CFAP47: variants seen among roughly 807,000 people sequenced by gnomAD.
The protein encoded by CFAP47 is cilia- and flagella-associated protein 47.
Under a neutral mutation model 148.1 loss-of-function variants are expected in CFAP47, and 29 were observed. The ratio of observed to expected loss-of-function variants is 0.20; its 90% CI spans 0.15 to 0.27. The LOEUF (loss-of-function observed/expected upper bound fraction) is 0.27. Among genes scored for constraint, CFAP47 ranks in the 10% least tolerant of loss-of-function variants. CFAP47 has a pLI of 1.00. For missense variants in CFAP47, 1,872 were observed against 1,697.5 expected, an observed-to-expected ratio of 1.10 and a Z score of -1.81; for synonymous variants, 664 against 577.3, an observed-to-expected ratio of 1.15 and a Z score of -2.15.
At chrX:36,123,831 C>A (rs993453122) in intron 33 of CFAP47, among the ~76,000 whole-genome samples, 1 of 111,470 alleles carries the variant, frequency 9.0e-6, no homozygotes, top group Admixed American at 9.5e-5. Flanking sequence ...TTTACTGTTT[C>A]CTCTGCTTTT....
At chrX:36,057,285 AATAAGCT>A (rs1937562342) in intron 26 of CFAP47, among the ~76,000 whole-genome samples, 1 of 112,019 alleles carries the variant, frequency 8.9e-6, no homozygotes, top group Admixed American at 9.5e-5. Context: ...GAGACCAATG[AATAAGCT>A]ATTCCAGGTT....
At chrX:36,378,834 C>A (rs1942049134) in intron 62 of CFAP47, among the ~76,000 whole-genome samples, 1 of 109,334 alleles carries the variant, frequency 9.1e-6, no homozygotes, top group East Asian at 2.9e-4. Flanking sequence ...AGCCACTGCG[C>A]TGTGTCTTAC....
At chrX:35,955,201 C>G (rs1936226151) in intron 7 of CFAP47, among the ~76,000 whole-genome samples, 1 of 111,881 alleles carries the variant, frequency 8.9e-6, no homozygotes, top group African/African-American at 3.2e-5. Flanking sequence ...ATGTCCCAAA[C>G]AGAACTCCTG....
chrX:35,924,132 T>C (rs755354510), intron 1 of CFAP47, among the ~76,000 whole-genome samples: 10 of 100,144 alleles, frequency 1.0e-4, no homozygotes, highest in Admixed American at 2.2e-4. Flanking sequence ...TACATATATG[T>C]ATATGTGTAC....
chrX:36,230,411 T>C (rs1350231633), intron 46 of CFAP47, among the ~76,000 whole-genome samples: 2 of 109,560 alleles, frequency 1.8e-5, no homozygotes, highest in Non-Finnish European at 3.8e-5. Context: ...ATGTCTTCTT[T>C]TGAGAAGTGT....
intron 42 of CFAP47, among the ~76,000 whole-genome samples, chrX:36,191,100 GA>G (rs1264091514): frequency 2.9e-4 from 32 of 111,124 alleles, no homozygotes; most frequent in African/African-American, 1.0e-3. Flanking sequence ...CACTTAGAAG[GA>G]AAAAAATGCC....
At chrX:35,999,722 G>C (rs1265431082) in intron 19 of CFAP47, among the ~76,000 whole-genome samples, 1 of 111,865 alleles carries the variant, frequency 8.9e-6, no homozygotes, top group Non-Finnish European at 1.9e-5. Context: ...GGCACCAAAA[G>C]GGTGAAGACA....
intron 3 of CFAP47, among the ~76,000 whole-genome samples, chrX:35,947,329 G>A (rs1049016728): frequency 1.8e-5 from 2 of 109,115 alleles, no homozygotes; most frequent in Admixed American, 9.8e-5. Context: ...GGCCTGTTCT[G>A]TTTCTCACTG....
At chrX:36,027,816 A>T (rs1937237610) in intron 22 of CFAP47, among the ~76,000 whole-genome samples, 1 of 111,622 alleles carries the variant, frequency 9.0e-6, no homozygotes, top group South Asian at 3.7e-4. Context: ...CCTCACTAAC[A>T]TCTGTTGTTT....
chrX:35,923,526 A>G (rs751523279), intron 1 of CFAP47, among the ~76,000 whole-genome samples: 1 of 111,465 alleles, frequency 9.0e-6, no homozygotes, highest in South Asian at 3.8e-4. Context: ...AGCATATAAA[A>G]TATACATATG....
rs986509603 is a variant in CFAP47, at chrX:35,948,967, G to A, written c.656+515G>A. ...AGAATTAAAAAGATGGAGGTGGGGAGTGACAGGAGACAAGACCAGAAAAAC... is the reference window on the plus strand; with the variant it reads ...AGAATTAAAAAGATGGAGGTGGGGAATGACAGGAGACAAGACCAGAAAAAC... On this transcript the variant is annotated intron_variant, in intron 4 of 63. Transcript: ENST00000378653. 4.6e-4 allele frequency among the ~76,000 whole-genome samples: 51 copies of A among 111,048 alleles called. 1 individual carries two copies. The highest frequency in any genetic ancestry group is 1.9e-4 in the Admixed American group (2 of 10,351).
At chrX:36,106,411 A>G (rs1256249938) in intron 33 of CFAP47, among the ~76,000 whole-genome samples, 1 of 111,953 alleles carries the variant, frequency 8.9e-6, no homozygotes, top group African/African-American at 3.2e-5. Flanking sequence ...ACAGAATACC[A>G]TAGACTGGGT....
chrX:36,266,710 C>T (rs1384562804), intron 49 of CFAP47, among the ~76,000 whole-genome samples: 6 of 110,723 alleles, frequency 5.4e-5, no homozygotes, highest in African/African-American at 2.0e-4. Flanking sequence ...AGGCATGGCC[C>T]GGCAGGAACT....
intron 51 of CFAP47, among the ~76,000 whole-genome samples, chrX:36,292,272 G>T (rs1941200729): frequency 9.0e-6 from 1 of 111,223 alleles, no homozygotes; most frequent in Non-Finnish European, 1.9e-5. Flanking sequence ...GAATGACGAT[G>T]GTGTTTCTAA....
Position 36,002,249 on chromosome X carries a change from T to G in CFAP47, c.3417+542T>G, listed in dbSNP as rs1435565007. On this transcript the variant is annotated intron_variant, in intron 21 of 63. Transcript: ENST00000378653. ...TTTCAGGAGCCAACTCTAGCAGGCTTTTGCTTCACAGATTCTCTAACAGAA... is the reference window on the plus strand; with the variant it reads ...TTTCAGGAGCCAACTCTAGCAGGCTGTTGCTTCACAGATTCTCTAACAGAA... Among the ~76,000 whole-genome samples the G allele has an allele frequency of 2.7e-5, 3 of 111,084 alleles. No homozygotes were observed. In the East Asian group the frequency reaches 8.5e-4, roughly 31 times the overall value.
At chrX:36,061,392 T>C (rs1291453224) in intron 26 of CFAP47, among the ~76,000 whole-genome samples, 1 of 112,130 alleles carries the variant, frequency 8.9e-6, no homozygotes. Flanking sequence ...ACATGACATA[T>C]GATGTCCTCA....
Position 36,353,675 on chromosome X carries a change from C to T in CFAP47, c.8845C>T (p.Pro2949Ser), listed in dbSNP as rs1436427218. ...AAATTCACATAATTTTTGTGAGGATCCCAATGGTAAGAGAACTACGGTTAT... is the reference window on the plus strand; with the variant it reads ...AAATTCACATAATTTTTGTGAGGATTCCAATGGTAAGAGAACTACGGTTAT... ...KRNSHNFCED[P>S]NEIPKIHEFE... is the part of the protein sequence containing the mutation. The change falls in exon 60 of 64, where the codon CCC becomes TCC. Residue 2949 changes from proline (P) to serine (S), a missense_variant. Coordinates refer to ENST00000378653, the MANE Select transcript of CFAP47 (RefSeq NM_001304548.2). The T allele has an allele frequency of 2.6e-6, 3 of 1,147,392 alleles. No homozygotes were observed. Among genetic ancestry groups the T allele is most frequent in the South Asian group, 2.0e-5 (1 of 50,864 alleles). The allele number at this position is 1,147,392 out of a possible 1,213,427, so 94.6% of individuals were successfully genotyped here.
chrX:36,308,178 G>A (rs1447722192), intron 55 of CFAP47, among the ~76,000 whole-genome samples: 1 of 111,342 alleles, frequency 9.0e-6, no homozygotes, highest in Non-Finnish European at 1.9e-5. Flanking sequence ...CCTAGAAGTT[G>A]AATGTTAAAT....
intron 48 of CFAP47, among the ~76,000 whole-genome samples, chrX:36,237,867 C>T (rs1438950901): frequency 6.3e-5 from 7 of 110,993 alleles, no homozygotes; most frequent in African/African-American, 2.3e-4. Flanking sequence ...TTTTTTGTAA[C>T]CCTGATAAAT....
Sources: gnomAD v4.1 joint callset for allele counts (sites outside exome capture counted in the v4.1 genomes callset) on GRCh38, gnomAD v4.1.1 for gene constraint, MANE v1.5 for transcripts, NCBI Gene and HGNC (gene_info 2026-07-23, HGNC 2026-07-21) for gene names.